A1BG: variants seen among roughly 807,000 people sequenced by gnomAD.
A1BG encodes the protein alpha-1-B glycoprotein.
A neutral mutation model predicts 46.0 loss-of-function variants in A1BG; 44 were observed. That is an observed-to-expected ratio of 0.96 (90% confidence interval 0.75 to 1.23). A1BG has a LOEUF of 1.23. Among genes scored for constraint, A1BG ranks in the 50% most tolerant of loss-of-function variants. A1BG has a pLI of 0.00. For missense variants in A1BG, 707 were observed against 688.8 expected, an observed-to-expected ratio of 1.03 and a Z score of -0.30; for synonymous variants, 316 against 314.7, an observed-to-expected ratio of 1.00 and a Z score of -0.04.
At chr19:58,348,613 C>T (rs2051932789) in intron 6 of A1BG, 2 of 152,232 alleles carry the variant, frequency 1.3e-5, no homozygotes. Flanking sequence ...AGCCAAACTA[C>T]ATGAAGTTAT....
chr19:58,351,395 G>A lies in A1BG; in HGVS notation c.906C>T (p.Ser302=), dbSNP rs1239838390. 4 of 1,609,614 alleles carry A rather than the reference G, an allele frequency of 2.5e-6. No individual in the cohort carries two copies. The highest frequency in any genetic ancestry group is 1.1e-5 in the South Asian group (1 of 91,056). The change falls in exon 5 of 8, where the codon AGC becomes AGT. Residue 302 remains serine, a synonymous_variant. Transcript: ENST00000263100. ...GDSAPVELIL[S]DETLPAPEFS... ...TCCCTGCTGGCCCCGGCTCACCATC[G>A]CTCAGAATCAGCTCGACCGGCGCGC...
intron 6 of A1BG, chr19:58,349,452 A>T (rs546597355): frequency 2.0e-5 from 3 of 151,990 alleles, no homozygotes; most frequent in South Asian, 2.1e-4. Context: ...GGAGGTCAAG[A>T]CCAGCCCAGC....
chr19:58,347,124 G>A, intron 7 of A1BG, 95 bp from the exon 8 acceptor site: 2 of 1,503,912 alleles, frequency 1.3e-6, no homozygotes, highest in South Asian at 1.2e-5. Context: ...ACGCCCCCCC[G>A]GAAGGAAGCG....
chr19:58,350,138 A>C (rs1455420656), intron 6 of A1BG: 2 of 520,898 alleles, frequency 3.8e-6, no homozygotes, highest in African/African-American at 4.0e-5. Context: ...CCTGCTGCCG[A>C]CCACCACGCT....
Position 58,352,516 on chromosome 19 carries a change from G to A in A1BG, c.380C>T (p.Ser127Phe). ...TGTTTTCAGGCCGGGGGTGATCCAG[G>A]ACACTGGCGCCATCGAGAGCCAGGG... is the stretch of plus-strand genomic sequence containing the variant. ...PAPWLSMAPV[S>F]WITPGLKTTA... is the part of the protein sequence containing the mutation. Residue 127 changes from serine to phenylalanine, a missense_variant, in exon 4 of 8, where the codon TCC becomes TTC. Physicochemically the swap from Ser to Phe is radical, Grantham distance 155 (BLOSUM62 -2). Coordinates refer to ENST00000263100, the MANE Select transcript of A1BG (RefSeq NM_130786.4). The A allele has an allele frequency of 6.2e-7, 1 of 1,612,186 alleles. No individual in the cohort carries two copies. The highest frequency in any genetic ancestry group is 8.5e-7 in the Non-Finnish European group (1 of 1,180,002).
At position 58,352,452 on chromosome 19, in the gene A1BG, A is replaced by G; in HGVS notation, c.444T>C (p.Phe148=). The change falls in exon 4 of 8, where the codon TTT becomes TTC. Residue 148 remains phenylalanine, a synonymous_variant. Transcript: ENST00000263100. ...CATGGTCGCCCTCCCGCCTCAGCAGAAAAGTCACACCCCGCAGCACACCTC... is the reference window on the plus strand; with the variant it reads ...CATGGTCGCCCTCCCGCCTCAGCAGGAAAGTCACACCCCGCAGCACACCTC... ...VCRGVLRGVT[F]LLRREGDHEF... 2.5e-6 allele frequency: 4 copies of G among 1,613,702 alleles called. No homozygotes were observed. Among genetic ancestry groups the G allele is most frequent in the Non-Finnish European group, 3.4e-6 (4 of 1,179,992 alleles).
At position 58,352,567 on chromosome 19, in the gene A1BG, G is replaced by A. The variant is rs369917094; in HGVS notation, c.341-12C>T. The A allele has an allele frequency of 5.5e-5, 88 of 1,603,912 alleles. No individual in the cohort carries two copies. The highest frequency in any genetic ancestry group is 1.7e-5 in the Admixed American group (1 of 59,848). ...AGCAGGCAAGGACTCTGTGGGTGGG[G>A]TGGAGTTGAAGAGTGCTTCTGCATA... On this transcript the variant is annotated splice_polypyrimidine_tract_variant and intron_variant, in intron 3 of 7. Transcript: ENST00000263100.
chr19:58,351,767 G>T, intron 4 of A1BG, 80 bp from the exon 5 acceptor site: 5 of 1,407,526 alleles, frequency 3.6e-6, no homozygotes, highest in Middle Eastern at 1.8e-4. Context: ...TGCCCTCCGG[G>T]TGGCAATCCC....
chr19:58,347,708 CCACA>C (rs2051926352), intron 6 of A1BG, 68 bp from the exon 7 acceptor site: 6 of 1,191,296 alleles, frequency 5.0e-6, no homozygotes, highest in African/African-American at 1.6e-5. Context: ...ACACCCCAGG[CCACA>C]CCCCAGGCCG....
In A1BG at chr19:58,351,480, C is replaced by T; in HGVS notation, c.821G>A (p.Gly274Glu). The T allele has an allele frequency of 2.5e-6, 4 of 1,613,670 alleles. No individual in the cohort carries two copies. The highest frequency in any genetic ancestry group is 3.4e-6 in the Non-Finnish European group (4 of 1,180,020). The change falls in exon 5 of 8, where the codon GGA becomes GAA. Residue 274 changes from glycine to glutamate, a missense_variant. Transcript: ENST00000263100. ...FHLNAVALGD[G>E]GHYTCRYRLH... is the part of the protein sequence containing the mutation. ...CCGGTAGCGGCAGGTGTAGTGACCT[C>T]CATCCCCCAGGGCCACCGCGTTCAG...
At position 58,345,934 on chromosome 19, in the gene A1BG, GA is replaced by G. The variant is rs1221475184; in HGVS notation, c.*1087del. On this transcript the variant is annotated 3_prime_UTR_variant, in exon 8 of 8. Transcript: ENST00000263100. ...GGGCCTTGAGGCCCTGCTCCAGGCA[GA>G]AACTCGGCAGTGGTTGGGAAGGCAT... 4 of 152,316 alleles carry G rather than the reference GA, an allele frequency of 2.6e-5. No homozygotes were observed. The highest frequency in any genetic ancestry group is 1.3e-4 in the Admixed American group (2 of 15,290). The allele number at this position is 152,316 out of a possible 1,614,324, so 9.4% of individuals were successfully genotyped here.
rs763435454 is a variant in A1BG, at chr19:58,347,403, G to A, written c.1430C>T (p.Pro477Leu). ...NYRCRYRSWVPHTFESELSDP... is the reference protein window; with the variant it reads ...NYRCRYRSWVLHTFESELSDP... Reference sequence around the variant, plus strand: ...GCTGAGCTCCGATTCGAAGGTGTGGGGCACCCAGGAGCGGTAGCGGCACCT... The same window carrying A: ...GCTGAGCTCCGATTCGAAGGTGTGGAGCACCCAGGAGCGGTAGCGGCACCT... The change falls in exon 7 of 8, where the codon CCC becomes CTC. Residue 477 changes from proline (P) to leucine (L), a missense_variant. Physicochemically the swap from Pro to Leu is moderately conservative, Grantham distance 98. Transcript: ENST00000263100. 1 of 1,612,072 alleles carries A rather than the reference G, an allele frequency of 6.2e-7. No homozygotes were observed. Among genetic ancestry groups the A allele is most frequent in the South Asian group, 1.1e-5 (1 of 91,068 alleles).
In A1BG at chr19:58,350,471, AT is replaced by A; in HGVS notation, c.1090del (p.Ile364PhefsTer16). On this transcript the variant is annotated frameshift_variant, in exon 6 of 8. Coordinates refer to ENST00000263100, the MANE Select transcript of A1BG (RefSeq NM_130786.4). LOFTEE classifies it high-confidence loss of function. ...GTAGTTGGCGGAGTCAGCCACGGAA[AT>A]GTTGTGCAGCTCGAAGAGCGCCTCG... ...GTEALFELHN[I>X]SVADSANYSC... The A allele has an allele frequency of 1.3e-6, 2 of 1,556,824 alleles. No individual in the cohort carries two copies. Among genetic ancestry groups the A allele is most frequent in the Non-Finnish European group, 1.7e-6 (2 of 1,150,828 alleles).
intron 4 of A1BG, 172 bp downstream of exon 4, chr19:58,352,111 G>A (rs1724983971): frequency 1.4e-5 from 20 of 1,458,982 alleles, no homozygotes; most frequent in Non-Finnish European, 1.8e-5. Flanking sequence ...TCCATTCTTT[G>A]GGCATCCTCT....
In A1BG at chr19:58,351,559, T is replaced by G. The variant is rs930140223; in HGVS notation, c.742A>C (p.Lys248Gln). The G allele has an allele frequency of 6.2e-7, 1 of 1,613,906 alleles. No homozygotes were observed. Among genetic ancestry groups the G allele is most frequent in the South Asian group, 1.1e-5 (1 of 91,084 alleles). ...CTGCTCCTGGGTACCAGCAGCTCTT[T>G]CTCCCCGCGCCGTAGCTGGAAGTCC... ...GVDFQLRRGEKELLVPRSSTS... is the reference protein window; with the variant it reads ...GVDFQLRRGEQELLVPRSSTS... Residue 248 changes from lysine (K) to glutamine (Q), a missense_variant, in exon 5 of 8, where the codon AAA (lysine) becomes CAA (glutamine). Lys to Gln is a moderately conservative substitution (Grantham distance 53). Transcript: ENST00000263100.
chr19:58,351,764 C>A, intron 4 of A1BG, 77 bp from the exon 5 acceptor site: 1 of 1,384,446 alleles, frequency 7.2e-7, no homozygotes, highest in East Asian at 2.5e-5. Context: ...CTCTGCCCTC[C>A]GGGTGGCAAT....
rs1375376578 is a variant in A1BG at position 58,351,376 on chromosome 19, C to G, written c.910+15G>C. The G allele has an allele frequency of 1.9e-6, 3 of 1,605,638 alleles. No homozygotes were observed. The highest frequency in any genetic ancestry group is 3.3e-5 in the Admixed American group (2 of 60,000). ...GGACCCAGCCGCGTCCCTGTCCCTGCTGGCCCCGGCTCACCATCGCTCAGA... is the reference window on the plus strand; with the variant it reads ...GGACCCAGCCGCGTCCCTGTCCCTGGTGGCCCCGGCTCACCATCGCTCAGA... On this transcript the variant is annotated intron_variant, in intron 5 of 7. Transcript: ENST00000263100.
rs1411238742 is a variant in A1BG at position 58,350,608 on chromosome 19, G to A, written c.954C>T (p.Gly318=). 2.1e-6 allele frequency: 3 copies of A among 1,459,510 alleles called. No individual in the cohort carries two copies. The highest frequency in any genetic ancestry group is 1.8e-6 in the Non-Finnish European group (2 of 1,108,324). 90.4% of individuals were successfully genotyped at this position (1,459,510 alleles called of 1,614,324 possible). A position where few individuals can be genotyped will look rare whatever the true frequency, so the allele number is the denominator to read the frequency against. Reference sequence around the variant, plus strand: ...CCAGGCACCGCAGCCGCAAGGCCCTGCCGGACTCCGGCTCCGGGGAGAACT... The same window carrying A: ...CCAGGCACCGCAGCCGCAAGGCCCTACCGGACTCCGGCTCCGGGGAGAACT... ...APEFSPEPES[G]RALRLRCLAP... The change falls in exon 6 of 8, where the codon GGC becomes GGT. Residue 318 remains glycine (G), a synonymous_variant. Transcript: ENST00000263100.
In A1BG at chr19:58,353,192, C is replaced by T. The variant is rs780738900; in HGVS notation, c.76G>A (p.Glu26Lys). The part of the protein sequence containing the change: ...GPVTEAAIFY[E>K]TQPSLWAESE... ...TCTGCCCACAGGCTGGGCTGCGTCT[C>T]ATAAACTGCAAGGGGTGGCTGGGAT... Residue 26 changes from glutamate to lysine, a missense_variant, in exon 3 of 8, where the codon GAG (glutamate) becomes AAG (lysine). Coordinates refer to ENST00000263100, the MANE Select transcript of A1BG (RefSeq NM_130786.4). 3.1e-6 allele frequency: 5 copies of T among 1,613,666 alleles called. No individual in the cohort carries two copies. The highest frequency in any genetic ancestry group is 4.2e-6 in the Non-Finnish European group (5 of 1,179,668).
Sources: gnomAD v4.1 joint callset for allele counts on GRCh38, gnomAD v4.1.1 for gene constraint, MANE v1.5 for transcripts, NCBI Gene and HGNC (gene_info 2026-07-23, HGNC 2026-07-21) for gene names.